RGPD8: variants seen among roughly 807,000 people sequenced by gnomAD.
RGPD8 encodes the protein RANBP2 like and GRIP domain containing 8, also known as RANBP2-like and GRIP domain-containing protein 8.
Under a neutral mutation model 89.1 loss-of-function variants are expected in RGPD8, and 15 were observed. That is an observed-to-expected ratio of 0.17 (90% CI 0.11 to 0.26). The LOEUF is 0.26. Among genes scored for constraint, RGPD8 ranks in the 10% least tolerant of loss-of-function variants. RGPD8 has a pLI of 1.00. For synonymous variants in RGPD8, 62 were observed against 420.9 expected (o/e 0.15, Z 10.44); for missense variants, 178 against 1,179.6 (o/e 0.15, Z 12.44).
chr2:112,424,715 G>A (rs1373644796), intron 1 of RGPD8, among the ~76,000 whole-genome samples: 4 of 151,866 alleles, frequency 2.6e-5, no homozygotes, highest in African/African-American at 7.2e-5. Flanking sequence ...CAGCCTGGGC[G>A]ACAGAGACTC....
At chr2:112,382,030 C>G (rs1471255657) in intron 20 of RGPD8, among the ~76,000 whole-genome samples, 1 of 151,772 alleles carries the variant, frequency 6.6e-6, no homozygotes, top group African/African-American at 2.4e-5. Flanking sequence ...CTGGTAGGTG[C>G]CATCTAATCA....
At chr2:112,425,633 G>T (rs1456631697) in intron 1 of RGPD8, among the ~76,000 whole-genome samples, 2 of 151,446 alleles carry the variant, frequency 1.3e-5, no homozygotes, top group African/African-American at 4.9e-5. Context: ...GGTGGCACAC[G>T]CCTGTAATCC....
At chr2:112,429,248 G>C (rs1052800784) in intron 1 of RGPD8, among the ~76,000 whole-genome samples, 1 of 151,766 alleles carries the variant, frequency 6.6e-6, no homozygotes, top group South Asian at 2.1e-4. Context: ...GTGAAACTCC[G>C]TCTCTACTAA....
At position 112,389,701 on chromosome 2, in the gene RGPD8, C is replaced by T; in HGVS notation, c.3244G>A (p.Gly1082Arg). 1 of 1,564,672 alleles carries T rather than the reference C, an allele frequency of 6.4e-7. No individual in the cohort carries two copies. The highest frequency in any genetic ancestry group is 2.3e-5 in the East Asian group (1 of 43,574). Residue 1082 changes from glycine to arginine, a missense_variant, in exon 20 of 23, where the codon GGG becomes AGG. Transcript: ENST00000302558. The stretch of plus-strand genomic sequence containing the variant: ...TCGTTTTTGAGAATTTTTAAGTTCC[C>T]CAAGCCCCTTTCTTTCCACTGCCTT... ...EVRQWKERGL[G>R]NLKILKNEVN...
intron 1 of RGPD8, among the ~76,000 whole-genome samples, chr2:112,428,011 C>T (rs1266025716): frequency 6.6e-6 from 1 of 152,284 alleles, no homozygotes; most frequent in Admixed American, 6.5e-5. Flanking sequence ...AGAAATAATA[C>T]AAGAAATGCT....
chr2:112,409,826 T>C (rs1679095387), intron 7 of RGPD8, among the ~76,000 whole-genome samples: 1 of 143,322 alleles, frequency 7.0e-6, no homozygotes, highest in Non-Finnish European at 1.5e-5. Context: ...ATCAAAAAAT[T>C]TTAGGCTGTG....
chr2:112,431,318 T>C lies in RGPD8; in HGVS notation c.72+2064A>G, dbSNP rs191899225. Among the ~76,000 whole-genome samples, 304 of 152,282 alleles carry C rather than the reference T, an allele frequency of 2.0e-3. 1 individual carries two copies. Among genetic ancestry groups the C allele is most frequent in the African/African-American group, 6.8e-3 (282 of 41,556 alleles). On this transcript the variant is annotated intron_variant, in intron 1 of 22. Coordinates refer to ENST00000302558, the MANE Select transcript of RGPD8 (RefSeq NM_001164463.1). ...TTTCAGGAGTTACAGGAACCCTCAA[T>C]TAAGGTCTGTTTTAGACTCTTACCA...
chr2:112,390,083 C>T lies in RGPD8; in HGVS notation c.2862G>A (p.Arg954=), dbSNP rs1241051324. ...TGLQAQDIRG[R]KKGRGVIFGQ... is the part of the protein sequence containing the mutation. ...CAAAAATCACACCACGGCCCTTCTT[C>T]CGGCCCCTAATATCCTGAGCCTGTA... The change falls in exon 20 of 23, where the codon CGG becomes CGA. Residue 954 remains arginine (R), a synonymous_variant. Coordinates refer to ENST00000302558, the MANE Select transcript of RGPD8 (RefSeq NM_001164463.1). The T allele has an allele frequency of 6.4e-7, 1 of 1,573,846 alleles. No homozygotes were observed. The highest frequency in any genetic ancestry group is 1.4e-5 in the African/African-American group (1 of 72,724).
intron 22 of RGPD8, among the ~76,000 whole-genome samples, chr2:112,373,546 TAC>T (rs1387932571): frequency 3.3e-5 from 5 of 152,342 alleles, no homozygotes; most frequent in African/African-American, 7.2e-5. Context: ...GAGCTGATGA[TAC>T]AGTCAGGTAT....
intron 1 of RGPD8, among the ~76,000 whole-genome samples, chr2:112,431,868 GA>G (rs971859042): frequency 6.6e-6 from 1 of 152,218 alleles, no homozygotes; most frequent in African/African-American, 2.4e-5. Context: ...TCGAACTCCT[GA>G]CCTCAGGCAA....
At chr2:112,423,795 T>C (rs1297386182) in intron 2 of RGPD8, among the ~76,000 whole-genome samples, 1 of 152,218 alleles carries the variant, frequency 6.6e-6, no homozygotes, top group Non-Finnish European at 1.5e-5. Flanking sequence ...TTCTTATCCC[T>C]AGGATAGAGC....
At chr2:112,419,654 C>A (rs1679501486) in intron 4 of RGPD8, among the ~76,000 whole-genome samples, 1 of 151,202 alleles carries the variant, frequency 6.6e-6, no homozygotes, top group Admixed American at 6.6e-5. Context: ...TAAAGAAAAT[C>A]TTTAAAGAGT....
At chr2:112,371,921 GGTTTT>G (rs1465203273) in intron 22 of RGPD8, among the ~76,000 whole-genome samples, 1 of 150,388 alleles carries the variant, frequency 6.6e-6, no homozygotes, top group Non-Finnish European at 1.5e-5. Flanking sequence ...TGTTCTGTCT[GGTTTT>G]ATCTGCGTGT....
chr2:112,391,662 G>A (rs1409003532), intron 18 of RGPD8, among the ~76,000 whole-genome samples: 86 of 125,524 alleles, frequency 6.9e-4, no homozygotes, highest in African/African-American at 2.1e-3. Flanking sequence ...GGTCTGTTTT[G>A]CCAGGAAACA....
intron 1 of RGPD8, among the ~76,000 whole-genome samples, chr2:112,424,844 C>T (rs1679701295): frequency 6.7e-6 from 1 of 150,086 alleles, no homozygotes; most frequent in Non-Finnish European, 1.5e-5. Context: ...AGGTGGGAGG[C>T]TAGCTTTGAG....
At chr2:112,386,084 A>AT (rs1394817364) in intron 20 of RGPD8, 1 of 110,884 alleles carries the variant, frequency 9.0e-6, no homozygotes, top group Non-Finnish European at 1.9e-5. Flanking sequence ...ACAGTACACC[A>AT]TAAGATACAG....
chr2:112,389,930 T>C lies in RGPD8; in HGVS notation c.3015A>G (p.Ser1005=). The C allele has an allele frequency of 6.7e-7, 1 of 1,498,658 alleles. No homozygotes were observed. 92.8% of individuals were successfully genotyped at this position (1,498,658 alleles called of 1,614,324 possible). Residue 1005 remains serine, a synonymous_variant, in exon 20 of 23, where the codon TCA becomes TCG. Coordinates refer to ENST00000302558, the MANE Select transcript of RGPD8 (RefSeq NM_001164463.1). Reference sequence around the variant, plus strand: ...CTTTATTGGCCATTTTACCGTATCGTGATGAGAATAATTTTTCTCCAGCAC... The same window carrying C: ...CTTTATTGGCCATTTTACCGTATCGCGATGAGAATAATTTTTCTCCAGCAC... ...FSGAGEKLFS[S]RYGKMANKAN... is the part of the protein sequence containing the mutation.
intron 6 of RGPD8, 31 bp downstream of exon 6, chr2:112,417,162 T>C (rs1336799377): frequency 3.7e-6 from 6 of 1,608,204 alleles, no homozygotes; most frequent in Admixed American, 1.7e-5. Flanking sequence ...CTGCAATTTA[T>C]ACTAAAGCAT....
intron 9 of RGPD8, among the ~76,000 whole-genome samples, chr2:112,402,370 G>GGT (rs1678895536): frequency 1.6e-5 from 2 of 124,626 alleles, no homozygotes; most frequent in African/African-American, 3.2e-5. Flanking sequence ...AGCCGAGCAC[G>GGT]GTGTCACATG....
Sources: allele counts gnomAD v4.1 joint callset (sites outside exome capture counted in the v4.1 genomes callset), GRCh38; gene constraint gnomAD v4.1.1; transcripts MANE v1.5; gene names NCBI Gene and HGNC (gene_info 2026-07-23, HGNC 2026-07-21).